Variants in COL4A1 observed in about 807,000 individuals in gnomAD.
The protein encoded by COL4A1 is collagen type IV alpha 1 chain, also known as collagen alpha-1(IV) chain.
Under a neutral mutation model 216.6 loss-of-function variants are expected in COL4A1, and 40 were observed. That is an observed-to-expected ratio of 0.18 (90% CI 0.14 to 0.24). The LOEUF (loss-of-function observed/expected upper bound fraction) is 0.24. Ranked by LOEUF, COL4A1 falls within the 10% of genes least tolerant of loss-of-function variation. The pLI is 1.00. For synonymous variants in COL4A1, 839 were observed against 810.7 expected (o/e 1.03, Z -0.59); for missense variants, 1,628 against 2,196.8 (o/e 0.74, Z 5.18).
At position 110,162,301 on chromosome 13, in the gene COL4A1, G is replaced by C; in HGVS notation, c.4391C>G (p.Thr1464Ser). 6.2e-7 allele frequency: 1 copy of C among 1,614,206 alleles called. No individual in the cohort carries two copies. Among genetic ancestry groups the C allele is most frequent in the Non-Finnish European group, 8.5e-7 (1 of 1,180,042 alleles). The stretch of plus-strand genomic sequence containing the variant: ...AGAGTACCCGTGGTAAAGAATTTTG[G>C]TCCCAGAAGGACACTGTGGGTCATC... The part of the protein sequence containing the change: ...TIDDPQCPSG[T>S]KILYHGYSLL... Residue 1464 changes from threonine to serine, a missense_variant, in exon 48 of 52, where the codon ACC becomes AGC. This residue lies in a region of COL4A1 where 254 missense variants were observed against 300.1 expected (regional missense o/e 0.85). Coordinates refer to ENST00000375820, the MANE Select transcript of COL4A1 (RefSeq NM_001845.6).
intron 1 of COL4A1, among the ~76,000 whole-genome samples, chr13:110,253,874 A>G (rs566537201): frequency 2.6e-5 from 4 of 151,406 alleles, no homozygotes; most frequent in African/African-American, 9.7e-5. Flanking sequence ...GTGTGTGTAT[A>G]TATATAAAGT....
At chr13:110,228,889 G>GA (rs1247454045) in intron 2 of COL4A1, among the ~76,000 whole-genome samples, 1 of 152,172 alleles carries the variant, frequency 6.6e-6, no homozygotes, top group South Asian at 2.1e-4. Context: ...TTAGCGAATG[G>GA]AAAAAACCAC....
chr13:110,187,950 C>A (rs1878472082), intron 24 of COL4A1, among the ~76,000 whole-genome samples: 2 of 152,184 alleles, frequency 1.3e-5, no homozygotes, highest in Non-Finnish European at 2.9e-5. Flanking sequence ...AGAGATGAAA[C>A]TCTGGGAGTG....
chr13:110,236,348 C>A (rs1881316789), intron 2 of COL4A1, among the ~76,000 whole-genome samples: 1 of 152,170 alleles, frequency 6.6e-6, no homozygotes, highest in African/African-American at 2.4e-5. Context: ...TAATATTTTT[C>A]TTCTTATTTT....
At chr13:110,250,515 G>A (rs1447694805) in intron 1 of COL4A1, among the ~76,000 whole-genome samples, 1 of 152,130 alleles carries the variant, frequency 6.6e-6, no homozygotes, top group Non-Finnish European at 1.5e-5. Context: ...CTAAACGGGG[G>A]TGGACATTAA....
chr13:110,214,700 C>CT (rs926828727), intron 2 of COL4A1, among the ~76,000 whole-genome samples: 6 of 152,212 alleles, frequency 3.9e-5, no homozygotes, highest in African/African-American at 1.2e-4. Context: ...ACTTGTACCA[C>CT]TAGCCCCTTG....
At chr13:110,224,107 G>T (rs991863073) in intron 2 of COL4A1, among the ~76,000 whole-genome samples, 1 of 152,162 alleles carries the variant, frequency 6.6e-6, no homozygotes, top group Non-Finnish European at 1.5e-5. Context: ...TTGCAGGAAT[G>T]ATCACACTTA....
chr13:110,290,231 C>T (rs920942612), intron 1 of COL4A1, among the ~76,000 whole-genome samples: 6 of 152,194 alleles, frequency 3.9e-5, no homozygotes, highest in African/African-American at 9.7e-5. Context: ...TGCGAACACA[C>T]TAAGCTACAC....
chr13:110,284,172 C>A (rs1218138711), intron 1 of COL4A1, among the ~76,000 whole-genome samples: 6 of 152,188 alleles, frequency 3.9e-5, no homozygotes, highest in Non-Finnish European at 8.8e-5. Context: ...CAGGTAGAAT[C>A]ATCTAAAAAG....
intron 51 of COL4A1, 114 bp downstream of exon 51, chr13:110,152,220 C>T (rs971268431): frequency 1.3e-6 from 2 of 1,498,926 alleles, no homozygotes; most frequent in Admixed American, 1.9e-5. Flanking sequence ...ATCAAATATT[C>T]ATTGCTAACC....
intron 1 of COL4A1, among the ~76,000 whole-genome samples, chr13:110,250,929 C>T (rs1284987583): frequency 6.6e-6 from 1 of 152,204 alleles, no homozygotes; most frequent in Admixed American, 6.5e-5. Flanking sequence ...TCCCTAATTC[C>T]AGAGAAGGAA....
chr13:110,302,851 A>G (rs1358950419), intron 1 of COL4A1, among the ~76,000 whole-genome samples: 4 of 152,226 alleles, frequency 2.6e-5, no homozygotes, highest in Admixed American at 2.0e-4. Context: ...TATTTTAGGC[A>G]TTCTATTGTT....
Position 110,170,597 on chromosome 13 carries a change from G to A in COL4A1, c.3692C>T (p.Thr1231Met), listed in dbSNP as rs140702632. ...TCCGCGGTCTCCTTTGGGCCCCTCCGTGGCATGGCCTGGGGATCCCGGTAA... is the reference window on the plus strand; with the variant it reads ...TCCGCGGTCTCCTTTGGGCCCCTCCATGGCATGGCCTGGGGATCCCGGTAA... ...PGLPGSPGHATEGPKGDRGPQ... is the reference protein window; with the variant it reads ...PGLPGSPGHAMEGPKGDRGPQ... The change falls in exon 42 of 52, where the codon ACG becomes ATG. Residue 1231 changes from threonine to methionine, a missense_variant. Thr to Met is a moderately conservative substitution (Grantham distance 81). Transcript: ENST00000375820. 5.6e-6 allele frequency: 9 copies of A among 1,610,952 alleles called. No homozygotes were observed. The highest frequency in any genetic ancestry group is 1.7e-4 in the Middle Eastern group (1 of 6,008).
intron 51 of COL4A1, among the ~76,000 whole-genome samples, chr13:110,152,108 G>C (rs2298237): frequency 1.3e-5 from 2 of 152,010 alleles, no homozygotes; most frequent in Non-Finnish European, 2.9e-5. Flanking sequence ...AATGGAAAAT[G>C]ACCTTTTTCT....
rs185495281 is a variant in COL4A1 at position 110,177,232 on chromosome 13, C to T, written c.2717-195G>A. ...CCCCAGGTAAATGAGCAGTAAAAAG[C>T]CATTTTCTACAATTCATTATTCGCT... is the stretch of plus-strand genomic sequence containing the variant. On this transcript the variant is annotated intron_variant, in intron 33 of 51. Transcript: ENST00000375820. Among the ~76,000 whole-genome samples the T allele has an allele frequency of 2.0e-5, 3 of 152,264 alleles. No homozygotes were observed. The East Asian group carries it at 5.8e-4, about 29-fold the overall frequency.
chr13:110,260,080 C>A (rs1882754074), intron 1 of COL4A1, among the ~76,000 whole-genome samples: 1 of 152,112 alleles, frequency 6.6e-6, no homozygotes, highest in Non-Finnish European at 1.5e-5. Context: ...CTGCTCCGTG[C>A]CACCTGTATT....
At position 110,207,265 on chromosome 13, in the gene COL4A1, T is replaced by C. The variant is rs1433580879; in HGVS notation, c.780+138A>G. 24 of 795,554 alleles carry C rather than the reference T, an allele frequency of 3.0e-5. No homozygotes were observed. The highest frequency in any genetic ancestry group is 4.8e-5 in the Non-Finnish European group (22 of 462,752). 49.3% of individuals were successfully genotyped at this position (795,554 alleles called of 1,614,324 possible). On this transcript the variant is annotated intron_variant, in intron 13 of 51. Coordinates refer to ENST00000375820, the MANE Select transcript of COL4A1 (RefSeq NM_001845.6). This position sits in a 1 kb window ranked among gnomAD's most constrained non-coding sequence, Gnocchi z 4.4. ...TCAAAGGGGCTCGTATTTTATGGAC[T>C]GAACAGTCTATAAATCTGTTTTCCA...
rs375332301 is a variant in COL4A1 at position 110,164,853 on chromosome 13, C to T, written c.4150+9G>A. The T allele has an allele frequency of 9.9e-6, 16 of 1,612,820 alleles. No homozygotes were observed. The highest frequency in any genetic ancestry group is 1.4e-5 in the Non-Finnish European group (16 of 1,179,542). On this transcript the variant is annotated intron_variant, in intron 46 of 51. Transcript: ENST00000375820. ...CCCATACCGCCCTGCACAGGCCAAG[C>T]CTTCTCACCTTGCTGGCCTTTCGGG... is the stretch of plus-strand genomic sequence containing the variant.
Position 110,198,568 on chromosome 13 carries a change from T to C in COL4A1, c.1184A>G (p.Asp395Gly). 1 of 1,614,046 alleles carries C rather than the reference T, an allele frequency of 6.2e-7. No individual in the cohort carries two copies. Among genetic ancestry groups the C allele is most frequent in the Non-Finnish European group, 8.5e-7 (1 of 1,180,008 alleles). The part of the protein sequence containing the change: ...GFPGERGEKG[D>G]RGFPGTSLPG... ...CAGAGATGTACCAGGAAATCCTCGG[T>C]CACCTTTTTCTCCTCTTTCACCAGG... The change falls in exon 21 of 52, where the codon GAC becomes GGC. Residue 395 changes from aspartate to glycine, a missense_variant. Transcript: ENST00000375820.
Sources: allele counts gnomAD v4.1 joint callset (sites outside exome capture counted in the v4.1 genomes callset), GRCh38; gene constraint gnomAD v4.1.1; regional missense constraint gnomAD v4.1.1; non-coding constraint Gnocchi (gnomAD v3.1); transcripts MANE v1.5; gene names NCBI Gene and HGNC (gene_info 2026-07-23, HGNC 2026-07-21).